MOSPD2: variants seen among roughly 807,000 people sequenced by gnomAD.
The protein encoded by MOSPD2 is motile sperm domain containing 2, also known as motile sperm domain-containing protein 2.
In MOSPD2, 5 loss-of-function variants were observed where a neutral mutation model predicts 41.7. The observed-to-expected ratio is 0.12, with a 90% CI of 0.06 to 0.25. The LOEUF (loss-of-function observed/expected upper bound fraction) is 0.25. Ranked by LOEUF, MOSPD2 falls within the 10% of genes least tolerant of loss-of-function variation. MOSPD2 has a pLI of 1.00. For missense variants in MOSPD2, 282 were observed against 375.2 expected (o/e 0.75, Z 2.05); for synonymous variants, 115 against 126.9 (o/e 0.91, Z 0.63).
intron 2 of MOSPD2, among the ~76,000 whole-genome samples, chrX:14,875,869 T>G (rs2147475386): frequency 8.9e-6 from 1 of 112,225 alleles, no homozygotes; most frequent in African/African-American, 3.2e-5. Flanking sequence ...TAATCTGTAA[T>G]TATCTTGTTC....
intron 7 of MOSPD2, among the ~76,000 whole-genome samples, chrX:14,908,269 CA>C (rs1411311082): frequency 9.1e-6 from 1 of 110,442 alleles, no homozygotes; most frequent in Non-Finnish European, 1.9e-5. Context: ...GACTCTGTCT[CA>C]AAAAAAATTT....
At chrX:14,881,082 T>G (rs2092530524) in intron 2 of MOSPD2, among the ~76,000 whole-genome samples, 1 of 111,504 alleles carries the variant, frequency 9.0e-6, no homozygotes, top group African/African-American at 3.3e-5. Flanking sequence ...CTACCATATA[T>G]TTACTACTAT....
In MOSPD2 at chrX:14,920,190, T is replaced by C; in HGVS notation, c.*381T>C. 1.3e-6 allele frequency: 1 copy of C among 755,744 alleles called. No homozygotes were observed. Among genetic ancestry groups the C allele is most frequent in the Non-Finnish European group, 1.6e-6 (1 of 639,808 alleles). 62.3% of individuals were successfully genotyped at this position (755,744 alleles called of 1,213,427 possible). A position where few individuals can be genotyped will look rare whatever the true frequency, so the allele number is the denominator to read the frequency against. On this transcript the variant is annotated 3_prime_UTR_variant, in exon 15 of 15. Transcript: ENST00000380492. ...GCTTTGTTGCAGCCAAAAAATGTAA[T>C]CTGCTTTTTTATGACAGAATTATTA...
At chrX:14,911,696 C>T (rs1326921841) in intron 9 of MOSPD2, among the ~76,000 whole-genome samples, 3 of 111,279 alleles carry the variant, frequency 2.7e-5, no homozygotes, top group Admixed American at 1.9e-4. Context: ...GAGACCATCC[C>T]GAGCAACATA....
In MOSPD2 at chrX:14,919,858, A is replaced by G; in HGVS notation, c.*49A>G. 8.5e-7 allele frequency: 1 copy of G among 1,173,589 alleles called. No homozygotes were observed. Among genetic ancestry groups the G allele is most frequent in the Non-Finnish European group, 1.1e-6 (1 of 877,892 alleles). ...ACGGTTCCTTCGTCCATTAGTTGGA[A>G]AAAGTAACAGACCTAAAACTCTACC... is the stretch of plus-strand genomic sequence containing the variant. On this transcript the variant is annotated 3_prime_UTR_variant, in exon 15 of 15. Transcript: ENST00000380492.
chrX:14,896,991 G>A (rs1807791032), intron 4 of MOSPD2, 93 bp from the exon 5 acceptor site: 2 of 681,633 alleles, frequency 2.9e-6, no homozygotes, highest in Non-Finnish European at 4.1e-6. Context: ...AAAATGAATT[G>A]TAAATGAAAA....
intron 2 of MOSPD2, among the ~76,000 whole-genome samples, chrX:14,892,173 C>T (rs976848735): frequency 9.0e-6 from 1 of 111,384 alleles, no homozygotes; most frequent in Non-Finnish European, 1.9e-5. Flanking sequence ...AAAGGAATAC[C>T]TGAGGCTGAG....
At chrX:14,895,555 T>C (rs1003148871) in intron 4 of MOSPD2, among the ~76,000 whole-genome samples, 161 bp downstream of exon 4, 1 of 111,957 alleles carries the variant, frequency 8.9e-6, no homozygotes, top group African/African-American at 3.3e-5. Flanking sequence ...TGTTAGATAC[T>C]TAGTAGCTGT....
intron 5 of MOSPD2, among the ~76,000 whole-genome samples, 174 bp downstream of exon 5, chrX:14,897,412 GAATT>G (rs1157920156): frequency 3.6e-5 from 4 of 111,843 alleles, no homozygotes; most frequent in Non-Finnish European, 7.5e-5. Context: ...GGTTTGCAGA[GAATT>G]AAATTTGTTT....
chrX:14,878,476 C>T (rs1169031203), intron 2 of MOSPD2, among the ~76,000 whole-genome samples: 1 of 111,955 alleles, frequency 8.9e-6, no homozygotes, highest in Non-Finnish European at 1.9e-5. Flanking sequence ...GTAGTTTAAA[C>T]ATTTTTTTAT....
chrX:14,880,368 A>G (rs2092529169), intron 2 of MOSPD2, among the ~76,000 whole-genome samples: 1 of 111,550 alleles, frequency 9.0e-6, no homozygotes, highest in African/African-American at 3.3e-5. Context: ...ATTTACTCTT[A>G]TAAATTCTGA....
intron 4 of MOSPD2, 35 bp from the exon 5 acceptor site, chrX:14,897,049 T>A (rs369789315): frequency 1.8e-5 from 19 of 1,082,458 alleles, no homozygotes; most frequent in Non-Finnish European, 2.0e-5. Flanking sequence ...TATAATGCCA[T>A]AAGTCTTGTT....
intron 2 of MOSPD2, among the ~76,000 whole-genome samples, chrX:14,887,765 C>G (rs2092544616): frequency 9.0e-6 from 1 of 111,432 alleles, no homozygotes; most frequent in African/African-American, 3.3e-5. Flanking sequence ...AGAGAGAACA[C>G]ACATATGCAT....
At position 14,892,703 on chromosome X, in the gene MOSPD2, T is replaced by C; in HGVS notation, c.80-20T>C. The C allele has an allele frequency of 1.7e-6, 2 of 1,169,954 alleles. No individual in the cohort carries two copies. The highest frequency in any genetic ancestry group is 2.3e-6 in the Non-Finnish European group (2 of 862,794). Reference sequence around the variant, plus strand: ...GCAGAATTAATCTGACTTGGATGTTTATTACTGTTTTTTCCCTAGATAAGT... The same window carrying C: ...GCAGAATTAATCTGACTTGGATGTTCATTACTGTTTTTTCCCTAGATAAGT... On this transcript the variant is annotated intron_variant, in intron 2 of 14. Coordinates refer to ENST00000380492, the MANE Select transcript of MOSPD2 (RefSeq NM_152581.4).
At chrX:14,900,504 A>C (rs1002153741) in intron 5 of MOSPD2, 71 bp from the exon 6 acceptor site, 20 of 466,622 alleles carry the variant, frequency 4.3e-5, no homozygotes, top group Admixed American at 1.6e-4. Context: ...TTAATAATTT[A>C]TCACCTTTAG....
chrX:14,898,345 A>G (rs1248985297), intron 5 of MOSPD2, among the ~76,000 whole-genome samples: 2 of 110,972 alleles, frequency 1.8e-5, no homozygotes, highest in Non-Finnish European at 3.8e-5. Flanking sequence ...TATACATACT[A>G]TAATATGTAT....
intron 5 of MOSPD2, among the ~76,000 whole-genome samples, chrX:14,897,969 G>A (rs1257854246): frequency 8.9e-6 from 1 of 111,971 alleles, no homozygotes; most frequent in African/African-American, 3.2e-5. Context: ...CAGTAATGTC[G>A]TATTCACAAA....
intron 2 of MOSPD2, among the ~76,000 whole-genome samples, chrX:14,887,729 T>C (rs2092544430): frequency 9.0e-6 from 1 of 111,439 alleles, no homozygotes. Flanking sequence ...TTTAAAAAAT[T>C]GTGTGTGAGA....
chrX:14,903,233 G>T (rs918179745), intron 7 of MOSPD2, among the ~76,000 whole-genome samples: 3 of 110,824 alleles, frequency 2.7e-5, no homozygotes, highest in African/African-American at 9.9e-5. Flanking sequence ...GCCTTGCCAG[G>T]CATGGTGTTG....
Sources: gnomAD v4.1 joint callset for allele counts (sites outside exome capture counted in the v4.1 genomes callset) on GRCh38, gnomAD v4.1.1 for gene constraint, MANE v1.5 for transcripts, NCBI Gene and HGNC (gene_info 2026-07-23, HGNC 2026-07-21) for gene names.